The following CCDC171 variants were observed in gnomAD, a reference collection of about 807,000 sequenced individuals.
CCDC171 encodes coiled-coil domain-containing protein 171.
A neutral mutation model predicts 168.2 loss-of-function variants in CCDC171; 177 were observed. The ratio of observed to expected loss-of-function variants is 1.05; its 90% CI spans 0.93 to 1.19. The LOEUF (loss-of-function observed/expected upper bound fraction) is 1.19. CCDC171 is among the 50% of genes most tolerant of loss of function. The pLI, the probability that CCDC171 is intolerant of heterozygous loss-of-function variation, is 0.00. For missense variants in CCDC171, 1,991 were observed against 1,539.0 expected, an observed-to-expected ratio of 1.29 and a Z score of -4.91; for synonymous variants, 687 against 540.8, an observed-to-expected ratio of 1.27 and a Z score of -3.75.
intron 7 of CCDC171, among the ~76,000 whole-genome samples, chr9:15,635,562 T>G (rs1296417702): frequency 1.3e-5 from 2 of 152,172 alleles, no homozygotes; most frequent in African/African-American, 4.8e-5. Context: ...GATTAGATGG[T>G]GCCCACCCAG....
chr9:15,913,812 C>T (rs754046707), intron 24 of CCDC171, among the ~76,000 whole-genome samples: 3 of 152,120 alleles, frequency 2.0e-5, no homozygotes, highest in South Asian at 2.1e-4. Context: ...CGGTGACCTT[C>T]GGATGGAGTT....
At chr9:15,573,317 C>G (rs1292916757) in intron 3 of CCDC171, among the ~76,000 whole-genome samples, 1 of 151,816 alleles carries the variant, frequency 6.6e-6, no homozygotes, top group Non-Finnish European at 1.5e-5. Flanking sequence ...GCTCTGTCAC[C>G]CAGGCTGGAG....
chr9:15,725,736 C>T (rs1401783557), intron 14 of CCDC171, among the ~76,000 whole-genome samples: 1 of 152,174 alleles, frequency 6.6e-6, no homozygotes, highest in African/African-American at 2.4e-5. Flanking sequence ...AGGCCTGAGC[C>T]ACTGTGCCTG....
intron 23 of CCDC171, among the ~76,000 whole-genome samples, chr9:15,856,200 T>C (rs2130891134): frequency 6.6e-6 from 1 of 152,114 alleles, no homozygotes; most frequent in African/African-American, 2.4e-5. Context: ...TAATCTAAGA[T>C]CTAGCCTCTT....
chr9:15,691,542 T>TAGA (rs1554762137), intron 10 of CCDC171, among the ~76,000 whole-genome samples: 5 of 112,720 alleles, frequency 4.4e-5, no homozygotes, highest in Non-Finnish European at 8.6e-5. Flanking sequence ...TAAATATATG[T>TAGA]TTTTTATATA....
At chr9:15,614,214 T>G (rs2043920101) in intron 6 of CCDC171, among the ~76,000 whole-genome samples, 1 of 152,190 alleles carries the variant, frequency 6.6e-6, no homozygotes, top group East Asian at 1.9e-4. Context: ...ATGCCAGGAA[T>G]ATGTCAGAGC....
At chr9:15,997,748 G>C (rs988799419) in intron 3 of CCDC171, among the ~76,000 whole-genome samples, 6 of 152,182 alleles carry the variant, frequency 3.9e-5, no homozygotes, top group African/African-American at 1.4e-4. Context: ...ATTTCTGAGG[G>C]ATTTGCGTCC....
chr9:15,688,002 C>T (rs955115576), intron 10 of CCDC171, among the ~76,000 whole-genome samples: 11 of 151,628 alleles, frequency 7.3e-5, no homozygotes, highest in African/African-American at 2.7e-4. Flanking sequence ...GCCTGTAGTC[C>T]CAGCTACTTG....
chr9:15,675,798 C>G (rs959548239), intron 9 of CCDC171, among the ~76,000 whole-genome samples: 1 of 152,168 alleles, frequency 6.6e-6, no homozygotes. Context: ...TCTGGCTGCC[C>G]TTAACATTTT....
At chr9:15,663,808 G>A (rs370300179) in intron 8 of CCDC171, among the ~76,000 whole-genome samples, 6 of 151,964 alleles carry the variant, frequency 3.9e-5, no homozygotes, top group African/African-American at 9.6e-5. Flanking sequence ...GGGTTTCACC[G>A]TGTTAGCCAG....
At chr9:15,798,791 A>G (rs897714106) in intron 21 of CCDC171, among the ~76,000 whole-genome samples, 8 of 152,104 alleles carry the variant, frequency 5.3e-5, no homozygotes, top group Non-Finnish European at 1.2e-4. Context: ...TGTAGTTTTT[A>G]CAGGTATTGA....
chr9:15,719,445 A>AGG (rs368308964), intron 11 of CCDC171, among the ~76,000 whole-genome samples: 29,675 of 62,158 alleles, frequency 0.48, 5,711 homozygotes, highest in East Asian at 0.73. Context: ...AGAGAGAGAG[A>AGG]GAAAGTTTAT....
At chr9:15,947,620 T>A (rs1828565775) in intron 25 of CCDC171, among the ~76,000 whole-genome samples, 1 of 151,974 alleles carries the variant, frequency 6.6e-6, no homozygotes, top group African/African-American at 2.4e-5. Flanking sequence ...TTGATGGACA[T>A]GGGTTACTTC....
intron 24 of CCDC171, among the ~76,000 whole-genome samples, chr9:15,896,556 A>G (rs912901362): frequency 6.6e-6 from 1 of 152,118 alleles, no homozygotes; most frequent in African/African-American, 2.4e-5. Flanking sequence ...AACTACATGC[A>G]GCATCACATC....
chr9:15,643,295 A>G (rs1327321248), intron 7 of CCDC171, among the ~76,000 whole-genome samples: 3 of 152,164 alleles, frequency 2.0e-5, no homozygotes, highest in Non-Finnish European at 4.4e-5. Flanking sequence ...CTTTAAGGGC[A>G]AGAACCTTAT....
chr9:15,624,938 A>G (rs2044925082), intron 7 of CCDC171, among the ~76,000 whole-genome samples: 1 of 152,142 alleles, frequency 6.6e-6, no homozygotes, highest in South Asian at 2.1e-4. Context: ...AAAAGTGTCA[A>G]AAAGTGTTCC....
intron 8 of CCDC171, among the ~76,000 whole-genome samples, chr9:15,660,019 A>G (rs1199350581): frequency 1.3e-5 from 2 of 152,136 alleles, no homozygotes; most frequent in Non-Finnish European, 2.9e-5. Context: ...AAAGACTTAC[A>G]CTTTTTTCCT....
At chr9:15,836,806 A>G (rs1410686978) in intron 21 of CCDC171, among the ~76,000 whole-genome samples, 1 of 152,224 alleles carries the variant, frequency 6.6e-6, no homozygotes, top group African/African-American at 2.4e-5. Context: ...CTTTCCAGAA[A>G]GGACACCACC....
At chr9:15,700,392 C>T (rs147781476) in intron 11 of CCDC171, among the ~76,000 whole-genome samples, 1,920 of 152,332 alleles carry the variant, frequency 0.013, 51 homozygotes, top group African/African-American at 0.044. Flanking sequence ...GCAAGCGCTG[C>T]GCGCAGCCCC....
Sources: gnomAD v4.1 joint callset for allele counts (sites outside exome capture counted in the v4.1 genomes callset) on GRCh38, gnomAD v4.1.1 for gene constraint, MANE v1.5 for transcripts, NCBI Gene and HGNC (gene_info 2026-07-23, HGNC 2026-07-21) for gene names.